The following ZNF407 variants were observed in gnomAD, a reference collection of about 807,000 sequenced individuals.
ZNF407 encodes zinc finger protein 407.
ZNF407 carries 17 observed loss-of-function variants against 131.2 expected under a neutral mutation model. That is an observed-to-expected ratio of 0.13 (90% CI 0.09 to 0.19). The LOEUF is 0.19. ZNF407 is among the 10% of genes least tolerant of loss of function. The pLI is 1.00. For synonymous variants in ZNF407, 1,156 were observed against 1,062.0 expected (o/e 1.09, Z -1.72); for missense variants, 2,681 against 2,830.6 (o/e 0.95, Z 1.20).
intron 4 of ZNF407, among the ~76,000 whole-genome samples, chr18:74,849,225 C>A (rs1255905387): frequency 6.6e-6 from 1 of 151,712 alleles, no homozygotes; most frequent in African/African-American, 2.4e-5. Flanking sequence ...ATTACAGGCG[C>A]CTGCCACAAC....
chr18:74,898,516 A>G (rs1354448903), intron 7 of ZNF407: 2 of 152,208 alleles, frequency 1.3e-5, no homozygotes, highest in Non-Finnish European at 2.9e-5. Context: ...TCAATAACGC[A>G]GTGTGTAACC....
chr18:74,634,206 A>G lies in ZNF407; in HGVS notation c.3187A>G (p.Arg1063Gly). The G allele has an allele frequency of 6.2e-7, 1 of 1,614,024 alleles. No homozygotes were observed. The highest frequency in any genetic ancestry group is 2.2e-5 in the East Asian group (1 of 44,888). The change falls in exon 2 of 9, where the codon AGG becomes GGG. Residue 1063 changes from arginine (R) to glycine (G), a missense_variant. Arg to Gly is a moderately radical substitution (Grantham distance 125, BLOSUM62 -2). Around this residue, in one of 6 missense-constraint regions of ZNF407, gnomAD observed 1,789 missense variants for 1,748.7 expected, o/e 1.02. Transcript: ENST00000299687. ...YYAVTRREMT[R>G]HAATEKHKMK... ...CGCGGTGACTCGTCGCGAGATGACCAGGCATGCAGCAACAGAGAAGCACAA... is the reference window on the plus strand; with the variant it reads ...CGCGGTGACTCGTCGCGAGATGACCGGGCATGCAGCAACAGAGAAGCACAA...
chr18:74,923,628 T>C (rs985411236), intron 8 of ZNF407, among the ~76,000 whole-genome samples: 1 of 152,222 alleles, frequency 6.6e-6, no homozygotes, highest in African/African-American at 2.4e-5. Context: ...CCTACTATAA[T>C]TGTGGATTTA....
intron 1 of ZNF407, among the ~76,000 whole-genome samples, chr18:74,600,733 C>T (rs1568309382): frequency 6.6e-6 from 1 of 152,100 alleles, no homozygotes; most frequent in Non-Finnish European, 1.5e-5. Flanking sequence ...TAGAAGACTT[C>T]CAAGCGTCAA....
At chr18:74,892,761 T>C (rs1157957264) in intron 7 of ZNF407, among the ~76,000 whole-genome samples, 1 of 152,228 alleles carries the variant, frequency 6.6e-6, no homozygotes, top group Admixed American at 6.5e-5. Context: ...AATGTAATTT[T>C]AATCTGTGCA....
intron 8 of ZNF407, among the ~76,000 whole-genome samples, chr18:75,022,589 T>G (rs1973123479): frequency 6.6e-6 from 1 of 152,178 alleles, no homozygotes; most frequent in Admixed American, 6.5e-5. Flanking sequence ...ATGTAAAAAT[T>G]ACCACTTAGC....
chr18:74,755,845 C>A (rs1385654452), intron 3 of ZNF407, among the ~76,000 whole-genome samples: 3 of 128,412 alleles, frequency 2.3e-5, no homozygotes, highest in Admixed American at 8.4e-5. Context: ...CCCTCCCTCC[C>A]TTCCTCCCTT....
At chr18:74,853,638 C>T (rs764151171) in intron 4 of ZNF407, among the ~76,000 whole-genome samples, 1 of 152,152 alleles carries the variant, frequency 6.6e-6, no homozygotes, top group Admixed American at 6.5e-5. Context: ...GAGTCTGCAG[C>T]GCTACCTGTC....
chr18:74,845,774 C>A (rs1270958462), intron 4 of ZNF407, among the ~76,000 whole-genome samples: 4 of 152,072 alleles, frequency 2.6e-5, no homozygotes, highest in Non-Finnish European at 4.4e-5. Flanking sequence ...AGTGCTTTTA[C>A]AAAAATGTTG....
At chr18:74,645,580 T>C (rs954083644) in intron 3 of ZNF407, among the ~76,000 whole-genome samples, 2 of 152,100 alleles carry the variant, frequency 1.3e-5, no homozygotes, top group Non-Finnish European at 2.9e-5. Context: ...ATGAACTGTT[T>C]ATTCCTAGTT....
At chr18:74,898,481 A>T (rs1971482192) in intron 7 of ZNF407, 1 of 152,246 alleles carries the variant, frequency 6.6e-6, no homozygotes, top group Non-Finnish European at 1.5e-5. Context: ...GTGAGCAATA[A>T]TTCAAATAAA....
intron 2 of ZNF407, among the ~76,000 whole-genome samples, chr18:74,637,896 G>A (rs965686436): frequency 1.4e-4 from 22 of 152,132 alleles, no homozygotes; most frequent in East Asian, 1.9e-4. Context: ...ATCAAGCATC[G>A]TAGGAAAAAG....
At chr18:75,055,699 T>A (rs1199048632) in intron 8 of ZNF407, among the ~76,000 whole-genome samples, 2 of 152,092 alleles carry the variant, frequency 1.3e-5, no homozygotes, top group African/African-American at 2.4e-5. Flanking sequence ...CAACTCGAGA[T>A]AAAATTTAGT....
chr18:74,758,415 A>G (rs1969013210), intron 3 of ZNF407, among the ~76,000 whole-genome samples: 1 of 152,120 alleles, frequency 6.6e-6, no homozygotes, highest in African/African-American at 2.4e-5. Flanking sequence ...CTTAATTTCA[A>G]TACTGTATAA....
rs148941565 is a variant in ZNF407, at chr18:74,708,735, A to G, written c.4802+67613A>G. Among the ~76,000 whole-genome samples the G allele has an allele frequency of 2.3e-4, 35 of 152,324 alleles. No homozygotes were observed. In the East Asian group the frequency reaches 6.6e-3, roughly 29 times the overall value. On this transcript the variant is annotated intron_variant, in intron 3 of 8. Coordinates refer to ENST00000299687, the MANE Select transcript of ZNF407 (RefSeq NM_017757.3). ...TTGGTGGGGTCTGCCAGCTTGCTGT[A>G]TGGCTGCCACAACAGGAACCCCGCA...
chr18:74,604,304 C>G (rs1018765115), intron 1 of ZNF407, among the ~76,000 whole-genome samples: 3 of 152,156 alleles, frequency 2.0e-5, no homozygotes, highest in African/African-American at 7.2e-5. Context: ...GTGGCAAGTT[C>G]CCTTCTCCCT....
intron 4 of ZNF407, among the ~76,000 whole-genome samples, chr18:74,809,674 A>T (rs907454242): frequency 1.3e-5 from 2 of 152,214 alleles, no homozygotes; most frequent in Admixed American, 1.3e-4. Context: ...AATACAAAAG[A>T]TTATTAATGG....
chr18:74,656,764 AT>A (rs1985476716), intron 3 of ZNF407, among the ~76,000 whole-genome samples: 1 of 152,188 alleles, frequency 6.6e-6, no homozygotes. Context: ...AGTGAGGAAG[AT>A]TGTTGAGTAA....
At chr18:74,722,283 C>A (rs954621222) in intron 3 of ZNF407, among the ~76,000 whole-genome samples, 2 of 151,984 alleles carry the variant, frequency 1.3e-5, no homozygotes, top group African/African-American at 2.4e-5. Context: ...GTCTCTCCGG[C>A]TCATTCTTAA....
Sources: allele counts gnomAD v4.1 joint callset (sites outside exome capture counted in the v4.1 genomes callset), GRCh38; gene constraint gnomAD v4.1.1; regional missense constraint gnomAD v4.1.1; transcripts MANE v1.5; gene names NCBI Gene and HGNC (gene_info 2026-07-23, HGNC 2026-07-21).